SPOCK3: variants seen among roughly 807,000 people sequenced by gnomAD.
SPOCK3 encodes SPARC (osteonectin), cwcv and kazal like domains proteoglycan 3, also known as testican-3.
In SPOCK3, 30 loss-of-function variants were observed where a neutral mutation model predicts 56.6. That is an observed-to-expected ratio of 0.53 (90% CI 0.40 to 0.72). The LOEUF (loss-of-function observed/expected upper bound fraction) is 0.72, where lower values mean the gene tolerates loss of function less well. SPOCK3 is among the 30% of genes least tolerant of loss of function. The probability of loss-of-function intolerance (pLI) is 0.00; values close to 1 mark genes in which losing one functional copy is unlikely to be tolerated. For synonymous variants in SPOCK3, 196 were observed against 183.3 expected, an observed-to-expected ratio of 1.07 and a Z score of -0.56; for missense variants, 527 against 530.0, an observed-to-expected ratio of 0.99 and a Z score of 0.06.
At chr4:167,001,763 G>A (rs1015268941) in intron 3 of SPOCK3, among the ~76,000 whole-genome samples, 2 of 152,090 alleles carry the variant, frequency 1.3e-5, no homozygotes, top group African/African-American at 2.4e-5. Flanking sequence ...AGTGCACAAA[G>A]AGAAATAAAA....
intron 2 of SPOCK3, among the ~76,000 whole-genome samples, chr4:167,114,269 T>C (rs1004136791): frequency 6.6e-6 from 1 of 152,140 alleles, no homozygotes; most frequent in Admixed American, 6.6e-5. Context: ...GAGGGACTCA[T>C]GGACGAAAAC....
At chr4:167,231,266 A>G (rs187714372) in intron 2 of SPOCK3, among the ~76,000 whole-genome samples, 1 of 152,040 alleles carries the variant, frequency 6.6e-6, no homozygotes, top group Non-Finnish European at 1.5e-5. Context: ...AACTTTCATT[A>G]AGGAGTCACT....
intron 3 of SPOCK3, among the ~76,000 whole-genome samples, chr4:167,035,576 C>T (rs1175569777): frequency 6.6e-6 from 1 of 152,050 alleles, no homozygotes; most frequent in Non-Finnish European, 1.5e-5. Flanking sequence ...GCAAAACCAC[C>T]CCTGATCATG....
chr4:166,779,953 A>T (rs1739978913), intron 7 of SPOCK3, among the ~76,000 whole-genome samples: 1 of 152,228 alleles, frequency 6.6e-6, no homozygotes, highest in Admixed American at 6.5e-5. Context: ...TAACATCATT[A>T]AGTGAAGAAA....
At chr4:166,947,482 T>G (rs1554007241) in intron 4 of SPOCK3, among the ~76,000 whole-genome samples, 1 of 152,144 alleles carries the variant, frequency 6.6e-6, no homozygotes, top group Non-Finnish European at 1.5e-5. Flanking sequence ...TGCATGTAAC[T>G]TTTGCCACCT....
intron 3 of SPOCK3, among the ~76,000 whole-genome samples, chr4:167,051,880 T>A (rs746072933): frequency 6.6e-6 from 1 of 152,246 alleles, no homozygotes; most frequent in Non-Finnish European, 1.5e-5. Flanking sequence ...AAGAATATTG[T>A]TTCTTAAATC....
chr4:166,778,422 A>G (rs1360186674), intron 7 of SPOCK3, among the ~76,000 whole-genome samples: 1 of 152,158 alleles, frequency 6.6e-6, no homozygotes, highest in African/African-American at 2.4e-5. Context: ...TGCATTTCAA[A>G]ACCTATTCTG....
intron 8 of SPOCK3, chr4:166,754,183 A>G (rs1430817199): frequency 1.1e-5 from 11 of 1,037,584 alleles, no homozygotes; most frequent in Non-Finnish European, 7.0e-6. Flanking sequence ...GGCAAAGCAG[A>G]TAGCAAATTA....
At chr4:167,198,189 C>T (rs551328129) in intron 2 of SPOCK3, among the ~76,000 whole-genome samples, 3 of 152,148 alleles carry the variant, frequency 2.0e-5, no homozygotes, top group South Asian at 2.1e-4. Context: ...AATGGAGCTA[C>T]GATGAATGAG....
At chr4:166,846,402 G>C (rs1748069016) in intron 6 of SPOCK3, among the ~76,000 whole-genome samples, 1 of 151,928 alleles carries the variant, frequency 6.6e-6, no homozygotes, top group African/African-American at 2.4e-5. Flanking sequence ...AGATATTGTA[G>C]ATTAATAGAT....
intron 7 of SPOCK3, among the ~76,000 whole-genome samples, chr4:166,768,382 G>A (rs1423669704): frequency 6.6e-6 from 1 of 152,106 alleles, no homozygotes; most frequent in Admixed American, 6.5e-5. Context: ...GGGCAGGCCT[G>A]GTGGTGAGAA....
chr4:166,932,395 C>A (rs974448901), intron 4 of SPOCK3, among the ~76,000 whole-genome samples: 3 of 152,118 alleles, frequency 2.0e-5, no homozygotes. Context: ...TAATATCATG[C>A]TTTTCCCTCA....
intron 3 of SPOCK3, among the ~76,000 whole-genome samples, chr4:167,014,428 T>C (rs1579998490): frequency 6.6e-6 from 1 of 152,032 alleles, no homozygotes; most frequent in Non-Finnish European, 1.5e-5. Flanking sequence ...GGAGGATTGC[T>C]TGAGGCCTGG....
intron 3 of SPOCK3, among the ~76,000 whole-genome samples, chr4:167,043,298 T>C (rs1331539316): frequency 1.3e-5 from 2 of 152,108 alleles, no homozygotes; most frequent in Admixed American, 1.3e-4. Context: ...AGGAAGGCCA[T>C]TGACTTTTGT....
intron 3 of SPOCK3, among the ~76,000 whole-genome samples, chr4:167,022,578 T>A (rs1751294293): frequency 6.6e-6 from 1 of 151,934 alleles, no homozygotes; most frequent in East Asian, 1.9e-4. Context: ...CCTCAGATGG[T>A]GAAAAAGATA....
chr4:166,913,659 TG>T (rs1377892860), intron 4 of SPOCK3, among the ~76,000 whole-genome samples: 3 of 152,264 alleles, frequency 2.0e-5, no homozygotes, highest in East Asian at 3.9e-4. Context: ...TACAAAATAG[TG>T]GTCCCAAAAG....
intron 4 of SPOCK3, among the ~76,000 whole-genome samples, chr4:166,961,101 T>C (rs958164614): frequency 2.0e-5 from 3 of 152,022 alleles, no homozygotes; most frequent in East Asian, 1.9e-4. Context: ...GATATAATCA[T>C]ACAATAAAAG....
At chr4:166,773,579 T>C in intron 7 of SPOCK3, among the ~76,000 whole-genome samples, 1 of 152,272 alleles carries the variant, frequency 6.6e-6, no homozygotes, top group Non-Finnish European at 1.5e-5. Flanking sequence ...TTATCTTATG[T>C]ATTCATTTTT....
intron 7 of SPOCK3, among the ~76,000 whole-genome samples, chr4:166,763,423 AC>A (rs1246370969): frequency 6.6e-6 from 1 of 152,146 alleles, no homozygotes; most frequent in African/African-American, 2.4e-5. Flanking sequence ...ATGTAATAAT[AC>A]CATGACAGAG....
Sources: gnomAD v4.1 joint callset for allele counts (sites outside exome capture counted in the v4.1 genomes callset) on GRCh38, gnomAD v4.1.1 for gene constraint, MANE v1.5 for transcripts, NCBI Gene and HGNC (gene_info 2026-07-23, HGNC 2026-07-21) for gene names.